AKAP6: variants seen among roughly 807,000 people sequenced by gnomAD.
AKAP6 encodes A-kinase anchor protein 6.
AKAP6 carries 58 observed loss-of-function variants against 188.5 expected under a neutral mutation model. The observed-to-expected ratio is 0.31, with a 90% CI of 0.25 to 0.38. The LOEUF (loss-of-function observed/expected upper bound fraction) is 0.38. Ranked by LOEUF, AKAP6 falls within the 10% of genes least tolerant of loss-of-function variation. The pLI is 1.00. For missense variants in AKAP6, 2,710 were observed against 2,740.0 expected, an observed-to-expected ratio of 0.99 and a Z score of 0.24; for synonymous variants, 989 against 998.6, an observed-to-expected ratio of 0.99 and a Z score of 0.18.
chr14:32,615,820 T>C (rs1008842447), intron 7 of AKAP6, among the ~76,000 whole-genome samples: 4 of 152,062 alleles, frequency 2.6e-5, no homozygotes, highest in Admixed American at 2.0e-4. Flanking sequence ...GGTCTCGATC[T>C]CCTGACCTCA....
chr14:32,453,251 C>T (rs1030295630), intron 2 of AKAP6, among the ~76,000 whole-genome samples: 2 of 152,124 alleles, frequency 1.3e-5, no homozygotes, highest in African/African-American at 2.4e-5. Flanking sequence ...AAGCAGAGGC[C>T]CCGAGAAGTT....
intron 12 of AKAP6, among the ~76,000 whole-genome samples, chr14:32,781,254 C>T (rs2033241372): frequency 6.6e-6 from 1 of 151,228 alleles, no homozygotes; most frequent in East Asian, 1.9e-4. Flanking sequence ...AAGAGACAGA[C>T]ATCACTACAG....
At chr14:32,794,680 A>G (rs182411251) in intron 12 of AKAP6, among the ~76,000 whole-genome samples, 152 of 152,340 alleles carry the variant, frequency 1.0e-3, no homozygotes, top group African/African-American at 3.5e-3. Flanking sequence ...CTAAATGCCC[A>G]TATCAAAAAG....
intron 2 of AKAP6, among the ~76,000 whole-genome samples, chr14:32,453,034 A>C (rs1890990807): frequency 6.6e-6 from 1 of 152,216 alleles, no homozygotes; most frequent in Non-Finnish European, 1.5e-5. Flanking sequence ...AAAATAAGGA[A>C]TGGTGGTAAC....
chr14:32,634,840 A>G (rs1887418967), intron 7 of AKAP6, among the ~76,000 whole-genome samples: 1 of 151,908 alleles, frequency 6.6e-6, no homozygotes, highest in Non-Finnish European at 1.5e-5. Context: ...TAAGATAAAA[A>G]CATATTAAGT....
rs141203020 is a variant in AKAP6 at position 32,345,641 on chromosome 14, C to T, written c.-35+16233C>T. Among the ~76,000 whole-genome samples the T allele has an allele frequency of 3.8e-3, 585 of 152,288 alleles. 2 individuals are homozygous for T. Among genetic ancestry groups the T allele is most frequent in the African/African-American group, 0.013 (553 of 41,560 alleles). On this transcript the variant is annotated intron_variant, in intron 1 of 13. Coordinates refer to ENST00000280979, the MANE Select transcript of AKAP6 (RefSeq NM_004274.5). ...AAGGTGGAGTCAGCCACAGTAAGCT[C>T]TGATCACCAGAGGGTGGAGTGATTC...
chr14:32,822,924 T>C lies in AKAP6; in HGVS notation c.5111T>C (p.Ile1704Thr), dbSNP rs777237278. The change falls in exon 13 of 14, where the codon ATT becomes ACT. Residue 1704 changes from isoleucine (I) to threonine (T), a missense_variant. Coordinates refer to ENST00000280979, the MANE Select transcript of AKAP6 (RefSeq NM_004274.5). ...SDELSLCSED[I>T]VLHKNKIPES... ...GAGCTCTCTCTTTGCTCAGAGGATA[T>C]TGTGTTACACAAGAACAAGATCCCG... is the stretch of plus-strand genomic sequence containing the variant. The C allele has an allele frequency of 1.2e-6, 2 of 1,613,946 alleles. No individual in the cohort carries two copies. Among genetic ancestry groups the C allele is most frequent in the South Asian group, 1.1e-5 (1 of 91,082 alleles).
chr14:32,812,067 A>G (rs1289990817), intron 12 of AKAP6, among the ~76,000 whole-genome samples: 1 of 152,206 alleles, frequency 6.6e-6, no homozygotes, highest in Admixed American at 6.5e-5. Flanking sequence ...GGCAAAGGTG[A>G]GGCAAAAATT....
At position 32,615,743 on chromosome 14, in the gene AKAP6, C is replaced by T. The variant is rs145183391; in HGVS notation, c.2730+14951C>T. ...CCCAAATAGCTGGGACTACAGGCGC[C>T]CGCCACCACACCCAGCTAATTTTTT... is the stretch of plus-strand genomic sequence containing the variant. On this transcript the variant is annotated intron_variant, in intron 7 of 13. Coordinates refer to ENST00000280979, the MANE Select transcript of AKAP6 (RefSeq NM_004274.5). Among the ~76,000 whole-genome samples, 998 of 151,774 alleles carry T rather than the reference C, an allele frequency of 6.6e-3. 4 individuals are homozygous for T. The highest frequency in any genetic ancestry group is 0.011 in the Non-Finnish European group (770 of 67,868).
chr14:32,800,175 C>T (rs28819461), intron 12 of AKAP6, among the ~76,000 whole-genome samples: 7 of 142,590 alleles, frequency 4.9e-5, no homozygotes, highest in East Asian at 2.0e-4. Flanking sequence ...CATATATATA[C>T]ATATATATAT....
chr14:32,363,682 G>T (rs1004493051), intron 1 of AKAP6, among the ~76,000 whole-genome samples: 2 of 152,216 alleles, frequency 1.3e-5, no homozygotes, highest in African/African-American at 4.8e-5. Flanking sequence ...TTCTAGCCAT[G>T]CTGGCAGCTG....
At position 32,821,855 on chromosome 14, in the gene AKAP6, C is replaced by A. The variant is rs763158366; in HGVS notation, c.4042C>A (p.Pro1348Thr). ...TCTAGGTGGTTCCAATTTGGTAAAG[C>A]CCTGCGCATGTCATGGAGGAGACAT... is the stretch of plus-strand genomic sequence containing the variant. The part of the protein sequence containing the change: ...DLLGGSNLVK[P>T]CACHGGDMSQ... Residue 1348 changes from proline (P) to threonine (T), a missense_variant, in exon 13 of 14, where the codon CCC becomes ACC. By Grantham distance (38) the Pro-to-Thr change is conservative. Around this residue, in one of 2 missense-constraint regions of AKAP6, gnomAD observed 2,473 missense variants for 2,426.1 expected, o/e 1.02. Coordinates refer to ENST00000280979, the MANE Select transcript of AKAP6 (RefSeq NM_004274.5). 3 of 1,613,696 alleles carry A rather than the reference C, an allele frequency of 1.9e-6. No homozygotes were observed. The African/African-American group carries it at 4.0e-5, about 22-fold the overall frequency.
chr14:32,759,433 A>T (rs1051187293), intron 11 of AKAP6, among the ~76,000 whole-genome samples: 1 of 152,064 alleles, frequency 6.6e-6, no homozygotes, highest in African/African-American at 2.4e-5. Context: ...CTTTTAGGAA[A>T]TGGAAGGATG....
intron 1 of AKAP6, chr14:32,401,905 G>T (rs1566484245): frequency 6.6e-6 from 1 of 152,154 alleles, no homozygotes; most frequent in Non-Finnish European, 1.5e-5. Context: ...TAAAAAGGTC[G>T]CTCTCTAGGG....
intron 7 of AKAP6, among the ~76,000 whole-genome samples, chr14:32,621,692 G>C (rs764550473): frequency 2.1e-4 from 32 of 152,076 alleles, no homozygotes; most frequent in Non-Finnish European, 2.4e-4. Flanking sequence ...AGGTCTATTT[G>C]TTCTGGTGCA....
intron 12 of AKAP6, among the ~76,000 whole-genome samples, chr14:32,781,103 G>A (rs1044726588): frequency 2.6e-5 from 4 of 151,520 alleles, no homozygotes; most frequent in African/African-American, 9.7e-5. Flanking sequence ...CAGTGAAATA[G>A]AAGACAGAAA....
intron 9 of AKAP6, among the ~76,000 whole-genome samples, chr14:32,700,035 AG>A (rs776679129): frequency 6.6e-6 from 1 of 152,200 alleles, no homozygotes; most frequent in Non-Finnish European, 1.5e-5. Flanking sequence ...TACAGATCAA[AG>A]GTGGCATTAT....
At chr14:32,426,158 C>T (rs907828635) in intron 1 of AKAP6, among the ~76,000 whole-genome samples, 2 of 152,064 alleles carry the variant, frequency 1.3e-5, no homozygotes, top group African/African-American at 2.4e-5. Context: ...AGTAAAGGTT[C>T]GCACTTATCT....
At chr14:32,372,319 GGAGTTCT>G (rs1888033547) in intron 1 of AKAP6, among the ~76,000 whole-genome samples, 1 of 151,748 alleles carries the variant, frequency 6.6e-6, no homozygotes, top group African/African-American at 2.4e-5. Flanking sequence ...TCTTTGTAAA[GGAGTTCT>G]GAGTCACTAG....
Sources: gnomAD v4.1 joint callset for allele counts (sites outside exome capture counted in the v4.1 genomes callset) on GRCh38, gnomAD v4.1.1 for gene constraint, gnomAD v4.1.1 regional missense constraint, MANE v1.5 for transcripts, NCBI Gene and HGNC (gene_info 2026-07-23, HGNC 2026-07-21) for gene names.